The following THRB variants were observed in gnomAD, a reference collection of about 807,000 sequenced individuals.
THRB encodes nuclear receptor subfamily 1 group A member 2.
A neutral mutation model predicts 47.8 loss-of-function variants in THRB; 12 were observed. That is an observed-to-expected ratio of 0.25 (90% CI 0.16 to 0.41). The LOEUF (loss-of-function observed/expected upper bound fraction) is 0.41, where lower values mean the gene tolerates loss of function less well. THRB is among the 10% of genes least tolerant of loss of function. The pLI is 1.00. For missense variants in THRB, 348 were observed against 589.2 expected, an observed-to-expected ratio of 0.59 and a Z score of 4.24; for synonymous variants, 218 against 212.2, an observed-to-expected ratio of 1.03 and a Z score of -0.24.
rs1178037938 is a variant in THRB, at chr3:24,119,075, C to A, written c.*3809G>T. 3 of 145,728 alleles carry A rather than the reference C, an allele frequency of 2.1e-5. No homozygotes were observed. Among genetic ancestry groups the A allele is most frequent in the African/African-American group, 5.1e-5 (2 of 39,488 alleles). 9.0% of individuals were successfully genotyped at this position (145,728 alleles called of 1,614,324 possible). A position where few individuals can be genotyped will look rare whatever the true frequency, so the allele number is the denominator to read the frequency against. ...TCAATTGTAAAAAATACACACCGGG[C>A]AAATCCTTACCTGGATAATAAATAT... On this transcript the variant is annotated 3_prime_UTR_variant, in exon 11 of 11. Coordinates refer to ENST00000646209, the MANE Select transcript of THRB (RefSeq NM_001354712.2).
intron 1 of THRB, among the ~76,000 whole-genome samples, chr3:24,401,582 A>G (rs761392851): frequency 6.6e-6 from 1 of 152,076 alleles, no homozygotes; most frequent in Non-Finnish European, 1.5e-5. Context: ...CACGTCTATC[A>G]ATAACTCTGC....
chr3:24,457,502 T>A (rs1041850464), intron 1 of THRB, among the ~76,000 whole-genome samples: 1 of 152,192 alleles, frequency 6.6e-6, no homozygotes, highest in Admixed American at 6.5e-5. Flanking sequence ...CACACATACC[T>A]ACTTTTTAAA....
intron 1 of THRB, among the ~76,000 whole-genome samples, chr3:24,454,093 T>A (rs58828619): frequency 3.5e-4 from 54 of 152,330 alleles, no homozygotes; most frequent in African/African-American, 1.3e-3. Flanking sequence ...AACTTGTATC[T>A]TGAATATACA....
intron 3 of THRB, among the ~76,000 whole-genome samples, chr3:24,250,605 G>A (rs2050568494): frequency 6.6e-6 from 1 of 152,150 alleles, no homozygotes; most frequent in Non-Finnish European, 1.5e-5. Flanking sequence ...AGAGACTAAG[G>A]TGAGAGGATC....
intron 5 of THRB, among the ~76,000 whole-genome samples, chr3:24,189,537 A>T (rs746673422): frequency 4.1e-4 from 62 of 152,038 alleles, no homozygotes; most frequent in Admixed American, 5.9e-4. Context: ...TTGCCTTATG[A>T]GCTGACAACC....
chr3:24,469,167 CAG>C (rs2074375218), intron 1 of THRB, among the ~76,000 whole-genome samples: 1 of 152,182 alleles, frequency 6.6e-6, no homozygotes. Context: ...TCATAGAAAA[CAG>C]GGGTTCCCTC....
chr3:24,212,102 G>A (rs826255), intron 4 of THRB, among the ~76,000 whole-genome samples: 108,201 of 150,740 alleles, frequency 0.72, 40,135 homozygotes, highest in African/African-American at 0.92. Context: ...TGTCTCTACT[G>A]AAAATACAAA....
intron 3 of THRB, among the ~76,000 whole-genome samples, chr3:24,252,483 T>G (rs997951476): frequency 3.9e-5 from 6 of 151,928 alleles, no homozygotes; most frequent in African/African-American, 1.2e-4. Flanking sequence ...AAAATTAAAA[T>G]GTAACAAATA....
intron 8 of THRB, among the ~76,000 whole-genome samples, chr3:24,142,200 T>C (rs1279261153): frequency 1.3e-5 from 2 of 152,188 alleles, no homozygotes; most frequent in Non-Finnish European, 1.5e-5. Flanking sequence ...GTGTCTTACT[T>C]CTCTCTTCTG....
chr3:24,233,708 C>T (rs1002984018), intron 3 of THRB, among the ~76,000 whole-genome samples: 6 of 152,180 alleles, frequency 3.9e-5, no homozygotes, highest in South Asian at 2.1e-4. Flanking sequence ...CGATGGAAAA[C>T]GTATCTTAAG....
chr3:24,187,104 G>A (rs1575697088), intron 5 of THRB, among the ~76,000 whole-genome samples: 2 of 152,174 alleles, frequency 1.3e-5, no homozygotes, highest in Non-Finnish European at 2.9e-5. Context: ...AGCAATACAT[G>A]GTTCTACTGC....
At chr3:24,381,899 T>C (rs182516460) in intron 1 of THRB, among the ~76,000 whole-genome samples, 8 of 151,944 alleles carry the variant, frequency 5.3e-5, no homozygotes. Context: ...ATGGTCTAGC[T>C]AACACTTTCC....
rs75646251 is a variant in THRB, at chr3:24,237,526, C to A, written c.-42-8525G>T. ...AATATCCAGGCCAAATCATTGTCCT[C>A]TTCTCTCTCTTCCCCTTCCTCTTCC... On this transcript the variant is annotated intron_variant, in intron 3 of 10. Coordinates refer to ENST00000646209, the MANE Select transcript of THRB (RefSeq NM_001354712.2). 2.9e-3 allele frequency among the ~76,000 whole-genome samples: 448 copies of A among 152,258 alleles called. 5 individuals carry two copies. Among genetic ancestry groups the A allele is most frequent in the Admixed American group, 8.9e-3 (136 of 15,292 alleles).
At chr3:24,246,174 C>T in intron 3 of THRB, among the ~76,000 whole-genome samples, 1 of 152,158 alleles carries the variant, frequency 6.6e-6, no homozygotes, top group Non-Finnish European at 1.5e-5. Context: ...ATAGTAAGTG[C>T]TCAATAAATG....
At chr3:24,139,119 A>G (rs933579768) in intron 8 of THRB, among the ~76,000 whole-genome samples, 2 of 152,182 alleles carry the variant, frequency 1.3e-5, no homozygotes, top group Non-Finnish European at 2.9e-5. Flanking sequence ...CTGTCATCAC[A>G]CATGAATTGT....
chr3:24,138,502 T>C (rs1221257942), intron 8 of THRB, among the ~76,000 whole-genome samples: 1 of 152,154 alleles, frequency 6.6e-6, no homozygotes, highest in East Asian at 1.9e-4. Context: ...CTTTATGCCA[T>C]TCAGCAAGGG....
At chr3:24,387,245 C>T (rs187837755) in intron 1 of THRB, among the ~76,000 whole-genome samples, 64 of 152,214 alleles carry the variant, frequency 4.2e-4, no homozygotes, top group Middle Eastern at 3.4e-3. Flanking sequence ...CTCAGTTATG[C>T]CATCATTCAT....
chr3:24,449,757 G>A (rs1435280476), intron 1 of THRB, among the ~76,000 whole-genome samples: 2 of 152,110 alleles, frequency 1.3e-5, no homozygotes, highest in Non-Finnish European at 2.9e-5. Flanking sequence ...GCGATATAGT[G>A]AAAAGCTTTT....
intron 10 of THRB, among the ~76,000 whole-genome samples, chr3:24,125,262 G>C (rs950931375): frequency 2.0e-5 from 3 of 152,184 alleles, no homozygotes; most frequent in Non-Finnish European, 2.9e-5. Context: ...CATTGCTCCT[G>C]AGATCCACTC....
Sources: allele counts gnomAD v4.1 joint callset (sites outside exome capture counted in the v4.1 genomes callset), GRCh38; gene constraint gnomAD v4.1.1; transcripts MANE v1.5; gene names NCBI Gene and HGNC (gene_info 2026-07-23, HGNC 2026-07-21).